Variants in PCDH15 observed in about 807,000 individuals in gnomAD.
PCDH15 encodes protocadherin related 15.
Under a neutral mutation model 178.5 loss-of-function variants are expected in PCDH15, and 129 were observed. The observed-to-expected ratio is 0.72, with a 90% CI of 0.63 to 0.84. The LOEUF (loss-of-function observed/expected upper bound fraction) is 0.84, where lower values mean the gene tolerates loss of function less well. PCDH15 is among the 40% of genes least tolerant of loss of function. The probability of loss-of-function intolerance (pLI) is 0.00; values close to 1 mark genes in which losing one functional copy is unlikely to be tolerated. For missense variants in PCDH15, 2,230 were observed against 2,099.9 expected (o/e 1.06, Z -1.21); for synonymous variants, 800 against 732.0 (o/e 1.09, Z -1.50).
chr10:54,107,752 A>C (rs2094942910), intron 15 of PCDH15, among the ~76,000 whole-genome samples: 1 of 152,252 alleles, frequency 6.6e-6, no homozygotes, highest in Middle Eastern at 3.4e-3. Flanking sequence ...ATCAATGTAA[A>C]GAATCAGAGC....
intron 3 of PCDH15, among the ~76,000 whole-genome samples, chr10:54,438,436 C>G (rs2075578060): frequency 2.6e-5 from 4 of 152,030 alleles, no homozygotes. Flanking sequence ...CTTGCTAACA[C>G]TTGCCAGCGG....
At chr10:54,821,181 G>A (rs951825297) in intron 3 of PCDH15, among the ~76,000 whole-genome samples, 2 of 151,872 alleles carry the variant, frequency 1.3e-5, no homozygotes, top group African/African-American at 2.4e-5. Context: ...TAATGCAACC[G>A]TGCATAATGA....
intron 8 of PCDH15, among the ~76,000 whole-genome samples, chr10:54,277,333 A>G (rs1174165633): frequency 2.6e-5 from 4 of 151,570 alleles, no homozygotes; most frequent in African/African-American, 7.2e-5. Context: ...TGGCAAAGCA[A>G]CTATAACTAA....
intron 2 of PCDH15, among the ~76,000 whole-genome samples, chr10:55,070,032 T>G (rs1178723589): frequency 2.0e-5 from 3 of 152,004 alleles, no homozygotes; most frequent in Non-Finnish European, 4.4e-5. Context: ...TGGCCAGTGA[T>G]GATGAGTATT....
intron 1 of PCDH15, among the ~76,000 whole-genome samples, chr10:54,762,571 TTA>T (rs556029386): frequency 9.0e-4 from 137 of 152,274 alleles, no homozygotes; most frequent in African/African-American, 2.9e-3. Flanking sequence ...AGCTATAACT[TTA>T]TGTTTGTCTT....
Position 54,183,429 on chromosome 10 carries a change from T to A in PCDH15, c.1590+15A>T. 1 of 1,594,580 alleles carries A rather than the reference T, an allele frequency of 6.3e-7. No individual in the cohort carries two copies. Among genetic ancestry groups the A allele is most frequent in the East Asian group, 2.2e-5 (1 of 44,784 alleles). On this transcript the variant is annotated intron_variant, in intron 13 of 37. Coordinates refer to ENST00000644397, the MANE Select transcript of PCDH15 (RefSeq NM_001384140.1). ...AACAGCTTTGAGTGTACACTTATAT[T>A]ATGTGAGTAGTTACCTGTATGACAC... is the stretch of plus-strand genomic sequence containing the variant.
rs778532795 is a variant in PCDH15 at position 53,940,524 on chromosome 10, C to T, written c.3232+342G>A. On this transcript the variant is annotated intron_variant, in intron 24 of 37. Coordinates refer to ENST00000644397, the MANE Select transcript of PCDH15 (RefSeq NM_001384140.1). ...TCAGACACTGGGGCGGACGAAGCTA[C>T]TGTAGGCAATGATCATGGCCAAAAG... Among the ~76,000 whole-genome samples the T allele has an allele frequency of 1.0e-3, 159 of 152,212 alleles. 1 individual carries two copies. Among genetic ancestry groups the T allele is most frequent in the Non-Finnish European group, 4.1e-4 (28 of 68,000 alleles).
intron 2 of PCDH15, among the ~76,000 whole-genome samples, chr10:55,350,492 T>C (rs1246205583): frequency 6.6e-6 from 1 of 151,732 alleles, no homozygotes; most frequent in East Asian, 1.9e-4. Flanking sequence ...AAATAGATTA[T>C]TATGACTTTA....
intron 2 of PCDH15, among the ~76,000 whole-genome samples, chr10:55,436,412 T>C (rs1465048225): frequency 3.9e-5 from 6 of 152,170 alleles, no homozygotes; most frequent in Non-Finnish European, 7.4e-5. Flanking sequence ...TGCTGTATTA[T>C]AAACATTTTA....
intron 3 of PCDH15, among the ~76,000 whole-genome samples, chr10:54,841,044 G>A (rs1356835455): frequency 6.6e-6 from 1 of 151,764 alleles, no homozygotes; most frequent in African/African-American, 2.4e-5. Context: ...GGAAACAGCA[G>A]ACTTTAATAA....
chr10:55,171,326 A>G (rs1303445748), intron 1 of PCDH15, among the ~76,000 whole-genome samples: 2 of 152,222 alleles, frequency 1.3e-5, no homozygotes, highest in Non-Finnish European at 2.9e-5. Flanking sequence ...TAAATGATGC[A>G]TTCATACACA....
At chr10:54,318,719 G>A (rs560575456) in intron 7 of PCDH15, among the ~76,000 whole-genome samples, 2 of 152,136 alleles carry the variant, frequency 1.3e-5, no homozygotes, top group African/African-American at 4.8e-5. Context: ...CTTAATGGGT[G>A]TTTATCTGGT....
chr10:53,813,016 A>T lies in PCDH15; in HGVS notation c.4492-1397T>A, dbSNP rs77210170. ...TGCTTGGTGTGGCCAACATCATTTT[A>T]AAAAATTGAATTCATTACTAACAGT... On this transcript the variant is annotated intron_variant, in intron 35 of 37. Transcript: ENST00000644397. Among the ~76,000 whole-genome samples the T allele has an allele frequency of 7.8e-3, 1,184 of 152,270 alleles. 19 individuals carry two copies. The highest frequency in any genetic ancestry group is 0.026 in the African/African-American group (1,096 of 41,558).
intron 15 of PCDH15, among the ~76,000 whole-genome samples, chr10:54,095,530 T>A (rs2094685562): frequency 6.6e-6 from 1 of 152,054 alleles, no homozygotes; most frequent in Non-Finnish European, 1.5e-5. Context: ...AATAAAAGAA[T>A]GTTGGAAAAC....
intron 1 of PCDH15, among the ~76,000 whole-genome samples, chr10:55,308,602 A>T (rs1342857622): frequency 6.6e-6 from 1 of 152,188 alleles, no homozygotes; most frequent in African/African-American, 2.4e-5. Context: ...AAAATATAAA[A>T]CAAACATAAA....
intron 3 of PCDH15, among the ~76,000 whole-genome samples, chr10:54,845,137 C>CT (rs573681693): frequency 7.4e-5 from 11 of 149,580 alleles, no homozygotes; most frequent in Admixed American, 2.7e-4. Context: ...TTTCTTTTTT[C>CT]TTTTTTTTGC....
chr10:54,166,366 C>T lies in PCDH15; in HGVS notation c.1591-13073G>A, dbSNP rs1394427603. On this transcript the variant is annotated intron_variant, in intron 13 of 37. Coordinates refer to ENST00000644397, the MANE Select transcript of PCDH15 (RefSeq NM_001384140.1). ...TTGAGGATTAGGGCTGTGCCTTACT[C>T]GTTCTACGTATTTTTCAGAGCACTT... Among the ~76,000 whole-genome samples, 12 of 152,164 alleles carry T rather than the reference C, an allele frequency of 7.9e-5. No individual in the cohort carries two copies. The South Asian group carries it at 1.4e-3, about 18-fold the overall frequency.
At chr10:55,013,966 T>G (rs1263684804) in intron 2 of PCDH15, among the ~76,000 whole-genome samples, 8 of 152,106 alleles carry the variant, frequency 5.3e-5, no homozygotes, top group African/African-American at 1.9e-4. Context: ...GAATTCAATC[T>G]CACCATTGAA....
intron 2 of PCDH15, among the ~76,000 whole-genome samples, chr10:55,428,710 A>G (rs1838815208): frequency 6.6e-6 from 1 of 151,824 alleles, no homozygotes; most frequent in African/African-American, 2.4e-5. Context: ...TAGGTCATTT[A>G]AATTTAGCAT....
Sources: allele counts gnomAD v4.1 joint callset (sites outside exome capture counted in the v4.1 genomes callset), GRCh38; gene constraint gnomAD v4.1.1; transcripts MANE v1.5; gene names NCBI Gene and HGNC (gene_info 2026-07-23, HGNC 2026-07-21).